Variants in CNTNAP2 observed in about 807,000 individuals in gnomAD.
CNTNAP2 encodes the protein contactin associated protein 2.
Under a neutral mutation model 155.2 loss-of-function variants are expected in CNTNAP2, and 98 were observed. The observed-to-expected ratio is 0.63, with a 90% CI of 0.54 to 0.75. The LOEUF (loss-of-function observed/expected upper bound fraction) is 0.75. CNTNAP2 is among the 30% of genes least tolerant of loss of function. The pLI, the probability that CNTNAP2 is intolerant of heterozygous loss-of-function variation, is 0.00. For synonymous variants in CNTNAP2, 651 were observed against 631.2 expected (o/e 1.03, Z -0.47); for missense variants, 1,727 against 1,688.1 (o/e 1.02, Z -0.40).
chr7:148,321,831 A>G (rs1462143090), intron 21 of CNTNAP2, among the ~76,000 whole-genome samples: 1 of 152,242 alleles, frequency 6.6e-6, no homozygotes, highest in Non-Finnish European at 1.5e-5. Flanking sequence ...GAGGAAAGAA[A>G]AAATATGTAA....
chr7:146,737,047 A>G (rs1801633134), intron 1 of CNTNAP2, among the ~76,000 whole-genome samples: 1 of 152,172 alleles, frequency 6.6e-6, no homozygotes, highest in South Asian at 2.1e-4. Context: ...AGAAAAATAA[A>G]TTCTAAATAT....
intron 12 of CNTNAP2, among the ~76,000 whole-genome samples, chr7:147,621,884 A>AAC (rs1172100683): frequency 2.0e-5 from 3 of 152,028 alleles, no homozygotes; most frequent in African/African-American, 7.2e-5. Context: ...GCCTACAAGG[A>AAC]ACACACTTCA....
At chr7:148,404,997 G>C (rs6949078) in intron 22 of CNTNAP2, among the ~76,000 whole-genome samples, 1 of 151,896 alleles carries the variant, frequency 6.6e-6, no homozygotes, top group Non-Finnish European at 1.5e-5. Context: ...TTACAGGACT[G>C]GGGGGCATGG....
intron 21 of CNTNAP2, among the ~76,000 whole-genome samples, chr7:148,333,288 C>T (rs1047766348): frequency 9.9e-5 from 15 of 152,040 alleles, no homozygotes; most frequent in African/African-American, 2.7e-4. Flanking sequence ...ATTAGCCAGG[C>T]ATGGTGGCAC....
At chr7:146,935,283 C>T (rs898217653) in intron 3 of CNTNAP2, among the ~76,000 whole-genome samples, 1 of 152,180 alleles carries the variant, frequency 6.6e-6, no homozygotes, top group Non-Finnish European at 1.5e-5. Context: ...GAAAAGAGGT[C>T]TTCTGTGTGC....
Position 146,434,409 on chromosome 7 carries a change from A to G in CNTNAP2, c.97+317436A>G, listed in dbSNP as rs374654181. Reference sequence around the variant, plus strand: ...TGTTGTCAGGGGACTCTCTGGATCCACAGGCTAATTTTCACAGCAGTCTGA... The same window carrying G: ...TGTTGTCAGGGGACTCTCTGGATCCGCAGGCTAATTTTCACAGCAGTCTGA... On this transcript the variant is annotated intron_variant, in intron 1 of 23. Coordinates refer to ENST00000361727, the MANE Select transcript of CNTNAP2 (RefSeq NM_014141.6). Among the ~76,000 whole-genome samples the G allele has an allele frequency of 1.2e-4, 18 of 152,324 alleles. No homozygotes were observed. In the East Asian group the frequency reaches 3.1e-3, roughly 26 times the overall value.
At chr7:147,012,987 A>G (rs1372316379) in intron 3 of CNTNAP2, among the ~76,000 whole-genome samples, 1 of 152,120 alleles carries the variant, frequency 6.6e-6, no homozygotes, top group African/African-American at 2.4e-5. Flanking sequence ...AAATCAAATT[A>G]ATGGATCAAC....
chr7:146,319,427 T>G (rs1273052135), intron 1 of CNTNAP2, among the ~76,000 whole-genome samples: 3 of 152,216 alleles, frequency 2.0e-5, no homozygotes, highest in African/African-American at 4.8e-5. Flanking sequence ...TGAATCTATG[T>G]GTCTGGATAA....
chr7:146,180,794 A>C (rs1329631675), intron 1 of CNTNAP2, among the ~76,000 whole-genome samples: 1 of 152,196 alleles, frequency 6.6e-6, no homozygotes, highest in Non-Finnish European at 1.5e-5. Flanking sequence ...GTATTAAACA[A>C]AATTTTAAAA....
At chr7:146,846,708 A>G (rs1265318651) in intron 3 of CNTNAP2, among the ~76,000 whole-genome samples, 1 of 152,164 alleles carries the variant, frequency 6.6e-6, no homozygotes. Context: ...AAATATGGTT[A>G]TGTGTTTAAT....
chr7:146,636,447 A>G (rs1799601313), intron 1 of CNTNAP2, among the ~76,000 whole-genome samples: 1 of 152,172 alleles, frequency 6.6e-6, no homozygotes, highest in South Asian at 2.1e-4. Flanking sequence ...ATCTAAAAAA[A>G]TTGCCGAAAT....
chr7:146,744,161 G>T (rs1801768804), intron 1 of CNTNAP2, among the ~76,000 whole-genome samples: 1 of 138,864 alleles, frequency 7.2e-6, no homozygotes, highest in Non-Finnish European at 1.5e-5. Flanking sequence ...CTGGGGGGAA[G>T]AGGTTGCAGT....
intron 1 of CNTNAP2, among the ~76,000 whole-genome samples, chr7:146,553,932 C>T (rs962318221): frequency 6.6e-6 from 1 of 152,082 alleles, no homozygotes; most frequent in African/African-American, 2.4e-5. Flanking sequence ...TTCTTTTTTA[C>T]TGACATGAAC....
intron 6 of CNTNAP2, chr7:147,121,597 T>C (rs1205755346): frequency 1.2e-5 from 2 of 160,870 alleles, no homozygotes; most frequent in African/African-American, 4.8e-5. Flanking sequence ...TAGAAACTCA[T>C]GACTGTAGAT....
intron 1 of CNTNAP2, among the ~76,000 whole-genome samples, chr7:146,610,294 A>G (rs1421021359): frequency 2.0e-5 from 3 of 152,156 alleles, no homozygotes; most frequent in African/African-American, 7.2e-5. Context: ...AAGGCTTGAA[A>G]CATGAGCAGC....
intron 1 of CNTNAP2, among the ~76,000 whole-genome samples, chr7:146,633,956 T>C (rs1799555638): frequency 6.6e-6 from 1 of 152,076 alleles, no homozygotes; most frequent in Non-Finnish European, 1.5e-5. Flanking sequence ...TGCTGCCATC[T>C]GGCAGGCAGC....
intron 1 of CNTNAP2, among the ~76,000 whole-genome samples, chr7:146,617,572 A>G (rs976080478): frequency 6.6e-6 from 1 of 152,186 alleles, no homozygotes; most frequent in Non-Finnish European, 1.5e-5. Context: ...TCAAAGTTAC[A>G]CTGATCTTAA....
chr7:148,324,114 AC>A (rs1797848491), intron 21 of CNTNAP2, among the ~76,000 whole-genome samples: 1 of 151,788 alleles, frequency 6.6e-6, no homozygotes, highest in Non-Finnish European at 1.5e-5. Flanking sequence ...CGAACTCCTG[AC>A]CTCAGGTGAT....
intron 14 of CNTNAP2, among the ~76,000 whole-genome samples, chr7:147,938,687 G>C (rs1417728403): frequency 6.6e-6 from 1 of 151,106 alleles, no homozygotes; most frequent in South Asian, 2.1e-4. Context: ...TAACTAAACT[G>C]GTACAATTTA....
Sources: gnomAD v4.1 joint callset for allele counts (sites outside exome capture counted in the v4.1 genomes callset) on GRCh38, gnomAD v4.1.1 for gene constraint, MANE v1.5 for transcripts, NCBI Gene and HGNC (gene_info 2026-07-23, HGNC 2026-07-21) for gene names.